Variants in RARS2 observed in about 807,000 individuals in gnomAD.
RARS2 encodes the protein probable arginine--tRNA ligase, mitochondrial.
RARS2 carries 67 observed loss-of-function variants against 88.5 expected under a neutral mutation model. The observed-to-expected ratio is 0.76, with a 90% CI of 0.62 to 0.93. RARS2 has a LOEUF of 0.93. Among genes scored for constraint, RARS2 ranks in the 40% least tolerant of loss-of-function variants. The pLI is 0.00. For missense variants in RARS2, 664 were observed against 684.2 expected, an observed-to-expected ratio of 0.97 and a Z score of 0.33; for synonymous variants, 239 against 230.3, an observed-to-expected ratio of 1.04 and a Z score of -0.34.
intron 8 of RARS2, among the ~76,000 whole-genome samples, chr6:87,540,985 C>T (rs920697294): frequency 6.6e-6 from 1 of 152,054 alleles, no homozygotes; most frequent in Non-Finnish European, 1.5e-5. Context: ...AATTGATATA[C>T]AGTTATTACC....
At chr6:87,554,669 G>A (rs1785255202) in intron 5 of RARS2, among the ~76,000 whole-genome samples, 1 of 151,974 alleles carries the variant, frequency 6.6e-6, no homozygotes, top group African/African-American at 2.4e-5. Context: ...GCCCAGGCTG[G>A]TCTCGAACTC....
At chr6:87,519,841 T>C in intron 13 of RARS2, 134 bp from the exon 14 acceptor site, 1 of 1,081,072 alleles carries the variant, frequency 9.3e-7, no homozygotes, top group Admixed American at 2.0e-5. Context: ...ATGAAATTGA[T>C]GTGATTTGTA....
chr6:87,519,167 T>A, intron 14 of RARS2: 1 of 291,832 alleles, frequency 3.4e-6, no homozygotes, highest in East Asian at 8.1e-5. Context: ...TATGTGTGTA[T>A]ATATATATAA....
intron 2 of RARS2, among the ~76,000 whole-genome samples, chr6:87,566,048 C>CA (rs527782221): frequency 2.0e-5 from 3 of 152,118 alleles, no homozygotes; most frequent in Non-Finnish European, 4.4e-5. Flanking sequence ...TACAGGGGCC[C>CA]ATGCCTGTAA....
Position 87,589,943 on chromosome 6 carries a change from A to T in RARS2, c.15T>A (p.Phe5Leu), listed in dbSNP as rs545377358. The change falls in exon 1 of 20, where the codon TTT becomes TTA. Residue 5 changes from phenylalanine (F) to leucine (L), a missense_variant. By Grantham distance (22) the Phe-to-Leu change is conservative. Coordinates refer to ENST00000369536, the MANE Select transcript of RARS2 (RefSeq NM_020320.5). MACG[F>L]RRAIACQLSR... ...ATACCTGGCAAGCAATAGCGCGGCG[A>T]AAGCCGCACGCCATGTCCACCTCTA... The T allele has an allele frequency of 2.6e-5, 42 of 1,614,164 alleles. No individual in the cohort carries two copies. In the East Asian group the frequency reaches 8.7e-4, roughly 33 times the overall value.
intron 2 of RARS2, among the ~76,000 whole-genome samples, chr6:87,565,972 ATTAAGAATTCTCCTGAGCC>A (rs1179651143): frequency 6.6e-6 from 1 of 152,232 alleles, no homozygotes; most frequent in Non-Finnish European, 1.5e-5. Flanking sequence ...CACAATGACC[ATTAAGAATTCTCCTGAGCC>A]TTAATACATC....
rs551001964 is a variant in RARS2 at position 87,545,783 on chromosome 6, A to G, written c.452-84T>C. ...ACCATGTACTTCTCTATTATCAAAC[A>G]TAAGTAGAAAATTCTTTTCACTAAA... On this transcript the variant is annotated intron_variant, in intron 6 of 19. Coordinates refer to ENST00000369536, the MANE Select transcript of RARS2 (RefSeq NM_020320.5). 28 of 1,455,166 alleles carry G rather than the reference A, an allele frequency of 1.9e-5. No individual in the cohort carries two copies. The East Asian group carries it at 4.7e-4, about 24-fold the overall frequency. The allele number at this position is 1,455,166 out of a possible 1,614,324, so 90.1% of individuals were successfully genotyped here.
At chr6:87,544,200 GCTAT>G (rs1347627998) in intron 7 of RARS2, among the ~76,000 whole-genome samples, 12 of 152,204 alleles carry the variant, frequency 7.9e-5, no homozygotes, top group Admixed American at 3.3e-4. Flanking sequence ...AAAAATCAGT[GCTAT>G]CTATTAAGTC....
chr6:87,525,187 A>C (rs1429284315), intron 10 of RARS2, among the ~76,000 whole-genome samples: 2 of 152,202 alleles, frequency 1.3e-5, no homozygotes, highest in African/African-American at 4.8e-5. Context: ...GACAGGAGAA[A>C]GTTTGCTTTG....
intron 1 of RARS2, among the ~76,000 whole-genome samples, chr6:87,573,116 G>A (rs1377390776): frequency 6.6e-6 from 1 of 152,158 alleles, no homozygotes; most frequent in Non-Finnish European, 1.5e-5. Flanking sequence ...AATTCATGAG[G>A]AAAAGAAGTT....
At chr6:87,527,049 G>A (rs1582362187) in intron 10 of RARS2, among the ~76,000 whole-genome samples, 2 of 151,990 alleles carry the variant, frequency 1.3e-5, no homozygotes, top group South Asian at 2.1e-4. Context: ...AGTGGCTCAC[G>A]CCTGTAATCC....
At chr6:87,519,288 T>G (rs778181237) in intron 14 of RARS2, 9 of 375,950 alleles carry the variant, frequency 2.4e-5, no homozygotes, top group Non-Finnish European at 3.5e-5. Context: ...ACTGGTGACT[T>G]GTATCCAAAT....
intron 1 of RARS2, among the ~76,000 whole-genome samples, chr6:87,579,083 C>T (rs1057296223): frequency 2.0e-5 from 3 of 150,784 alleles, no homozygotes; most frequent in Non-Finnish European, 2.9e-5. Context: ...CACATCTATA[C>T]GGTAGCTAAA....
intron 3 of RARS2, among the ~76,000 whole-genome samples, chr6:87,563,537 G>A (rs1788513432): frequency 6.6e-6 from 1 of 152,146 alleles, no homozygotes; most frequent in Non-Finnish European, 1.5e-5. Flanking sequence ...CCCAGACACT[G>A]ACTCTGTGGA....
chr6:87,557,772 T>A (rs1272406551), intron 4 of RARS2, among the ~76,000 whole-genome samples: 1 of 152,210 alleles, frequency 6.6e-6, no homozygotes, highest in Non-Finnish European at 1.5e-5. Context: ...CTCAATTTCC[T>A]TTGTAGGCTC....
rs2128173663 is a variant in RARS2 at position 87,564,207 on chromosome 6, C to A, written c.136G>T (p.Val46Leu). The A allele has an allele frequency of 6.2e-7, 1 of 1,613,448 alleles. No individual in the cohort carries two copies. The highest frequency in any genetic ancestry group is 8.5e-7 in the Non-Finnish European group (1 of 1,179,502). ...KEEVADFQLSVDSLLEKDNDH... is the reference protein window; with the variant it reads ...KEEVADFQLSLDSLLEKDNDH... ...TTGTCTTTTTCCAATAAAGAATCCA[C>A]AGAAAGCTGAAAATCAGCTACTTCT... Residue 46 changes from valine (V) to leucine (L), a missense_variant, in exon 3 of 20, where the codon GTG (valine) becomes TTG (leucine). Val to Leu is a conservative substitution (Grantham distance 32, BLOSUM62 1). Transcript: ENST00000369536.
At position 87,522,027 on chromosome 6, in the gene RARS2, G is replaced by A. The variant is rs6941364; in HGVS notation, c.975-503C>T. On this transcript the variant is annotated intron_variant, in intron 11 of 19. Coordinates refer to ENST00000369536, the MANE Select transcript of RARS2 (RefSeq NM_020320.5). ...TCAGTCAGGGGGAATACCTTCTAAC[G>A]CATTTAAAAGACCATAAAGTCGGCC... Among the ~76,000 whole-genome samples the A allele has an allele frequency of 9.3e-3, 1,409 of 152,180 alleles. 23 individuals carry two copies. Among genetic ancestry groups the A allele is most frequent in the African/African-American group, 0.032 (1,310 of 41,522 alleles).
chr6:87,527,542 A>G (rs1157693451), intron 10 of RARS2, among the ~76,000 whole-genome samples: 1 of 152,220 alleles, frequency 6.6e-6, no homozygotes. Flanking sequence ...AAAAGCAAAA[A>G]ATACACAGAT....
At chr6:87,564,824 G>A (rs935077768) in intron 2 of RARS2, among the ~76,000 whole-genome samples, 4 of 151,814 alleles carry the variant, frequency 2.6e-5, no homozygotes, top group Non-Finnish European at 4.4e-5. Flanking sequence ...TTGGGAGGCC[G>A]AGGCAAGTGG....
Sources: gnomAD v4.1 joint callset for allele counts (sites outside exome capture counted in the v4.1 genomes callset) on GRCh38, gnomAD v4.1.1 for gene constraint, MANE v1.5 for transcripts, NCBI Gene and HGNC (gene_info 2026-07-23, HGNC 2026-07-21) for gene names.